The following CCDC149 variants were observed in gnomAD, a reference collection of about 807,000 sequenced individuals.
The protein encoded by CCDC149 is coiled-coil domain containing 149, also known as coiled-coil domain-containing protein 149.
Under a neutral mutation model 59.9 loss-of-function variants are expected in CCDC149, and 45 were observed. The ratio of observed to expected loss-of-function variants is 0.75; its 90% confidence interval spans 0.59 to 0.96. CCDC149 has a LOEUF of 0.96. Among genes scored for constraint, CCDC149 ranks in the 40% least tolerant of loss-of-function variants. The pLI is 0.00. For missense variants in CCDC149, 584 were observed against 664.7 expected (o/e 0.88, Z 1.33); for synonymous variants, 245 against 260.6 (o/e 0.94, Z 0.58).
At chr4:24,887,227 T>C (rs1045237554) in intron 1 of CCDC149, among the ~76,000 whole-genome samples, 2 of 143,318 alleles carry the variant, frequency 1.4e-5, no homozygotes, top group Non-Finnish European at 3.1e-5. Context: ...TTGGGTGGCT[T>C]TATAGCCAGA....
intron 1 of CCDC149, among the ~76,000 whole-genome samples, chr4:24,935,145 A>T (rs776923342): frequency 5.3e-5 from 8 of 152,174 alleles, no homozygotes; most frequent in Non-Finnish European, 1.2e-4. Flanking sequence ...AGCAACGGAG[A>T]TGCAAGAATT....
intron 1 of CCDC149, among the ~76,000 whole-genome samples, chr4:24,878,972 G>T (rs890336005): frequency 6.6e-6 from 1 of 152,230 alleles, no homozygotes; most frequent in South Asian, 2.1e-4. Flanking sequence ...CTGGGTCTGA[G>T]ATACCTGGTA....
chr4:24,965,844 T>C (rs1292191679), intron 1 of CCDC149, among the ~76,000 whole-genome samples: 1 of 152,212 alleles, frequency 6.6e-6, no homozygotes, highest in East Asian at 1.9e-4. Flanking sequence ...TCAGCAGGTT[T>C]GGAGTGCAGG....
rs145224060 is a variant in CCDC149 at position 24,885,594 on chromosome 4, G to A, written c.64-8897C>T. Among the ~76,000 whole-genome samples the A allele has an allele frequency of 2.3e-3, 348 of 152,314 alleles. 2 individuals carry two copies. The highest frequency in any genetic ancestry group is 3.4e-3 in the Non-Finnish European group (229 of 68,028). On this transcript the variant is annotated intron_variant, in intron 1 of 12. Transcript: ENST00000635206. ...CATCAGTGGGCGAGTGGGTCACATG[G>A]CTGCCCAAACACACTCCAAAGGGCC...
chr4:24,825,495 C>T (rs1715667816), intron 9 of CCDC149, among the ~76,000 whole-genome samples: 1 of 152,024 alleles, frequency 6.6e-6, no homozygotes, highest in African/African-American at 2.4e-5. Context: ...AAATACAGGC[C>T]GGGCATGGGG....
intron 1 of CCDC149, among the ~76,000 whole-genome samples, chr4:24,968,290 A>C (rs1723862333): frequency 6.6e-6 from 1 of 152,190 alleles, no homozygotes. Flanking sequence ...AACAGCTAGC[A>C]CCTGTATATG....
intron 1 of CCDC149, among the ~76,000 whole-genome samples, chr4:24,963,730 C>A (rs1187293230): frequency 2.6e-5 from 4 of 152,130 alleles, no homozygotes; most frequent in Non-Finnish European, 5.9e-5. Context: ...CAATAGATAC[C>A]AATACTGAAA....
chr4:24,835,708 A>G (rs928499783), intron 7 of CCDC149, among the ~76,000 whole-genome samples: 2 of 152,192 alleles, frequency 1.3e-5, no homozygotes, highest in African/African-American at 4.8e-5. Flanking sequence ...CACAAAATGG[A>G]AAGGAAGAAC....
At chr4:24,955,413 G>A (rs571055755) in intron 1 of CCDC149, among the ~76,000 whole-genome samples, 5 of 152,184 alleles carry the variant, frequency 3.3e-5, no homozygotes, top group African/African-American at 9.6e-5. Flanking sequence ...TTGACAACAC[G>A]TGAATTTTGG....
At chr4:24,903,422 G>C (rs1463073599) in intron 1 of CCDC149, among the ~76,000 whole-genome samples, 1 of 152,184 alleles carries the variant, frequency 6.6e-6, no homozygotes, top group Non-Finnish European at 1.5e-5. Flanking sequence ...GGGGTTGAGA[G>C]GGCAGAGCAA....
chr4:24,947,877 A>G (rs1162709747), intron 1 of CCDC149, among the ~76,000 whole-genome samples: 1 of 152,138 alleles, frequency 6.6e-6, no homozygotes, highest in Non-Finnish European at 1.5e-5. Context: ...TGGCAGAGCC[A>G]TCCGCAATAT....
chr4:24,822,433 A>C (rs983386934), intron 10 of CCDC149, 64 bp downstream of exon 10: 1 of 1,037,432 alleles, frequency 9.6e-7, no homozygotes, highest in South Asian at 1.7e-5. Flanking sequence ...ATTACGTGGG[A>C]GCTTCATTTC....
chr4:24,903,466 G>A (rs6448313), intron 1 of CCDC149, among the ~76,000 whole-genome samples: 102,781 of 152,024 alleles, frequency 0.68, 36,805 homozygotes, highest in Non-Finnish European at 0.79. Flanking sequence ...GACACAGCTA[G>A]TTTTGATGGA....
chr4:24,858,066 A>G (rs1718138342), intron 3 of CCDC149, among the ~76,000 whole-genome samples: 1 of 152,208 alleles, frequency 6.6e-6, no homozygotes, highest in South Asian at 2.1e-4. Context: ...AAGTGCTCAA[A>G]ATAGAGGAGA....
intron 3 of CCDC149, among the ~76,000 whole-genome samples, chr4:24,869,976 T>C (rs964854270): frequency 1.3e-5 from 2 of 152,226 alleles, no homozygotes; most frequent in Non-Finnish European, 2.9e-5. Flanking sequence ...CCAGCCAGAC[T>C]GGAAAGGAGG....
chr4:24,804,931 A>G (rs1714079038), downstream of CCDC149, among the ~76,000 whole-genome samples: 1 of 152,204 alleles, frequency 6.6e-6, no homozygotes, highest in African/African-American at 2.4e-5. Flanking sequence ...TGAGGCCATC[A>G]GGAGCCTCCC....
chr4:24,952,813 C>T (rs1388400439), intron 1 of CCDC149, among the ~76,000 whole-genome samples: 1 of 151,342 alleles, frequency 6.6e-6, no homozygotes, highest in Non-Finnish European at 1.5e-5. Context: ...AACTCTGTAC[C>T]CCTTAAATAA....
intron 3 of CCDC149, among the ~76,000 whole-genome samples, chr4:24,857,644 TA>T (rs540065136): frequency 5.9e-5 from 9 of 152,214 alleles, no homozygotes; most frequent in Non-Finnish European, 1.0e-4. Context: ...AGGAAACAGT[TA>T]TTTAGAGACC....
At chr4:24,844,003 G>C (rs1259121979) in intron 4 of CCDC149, among the ~76,000 whole-genome samples, 1 of 152,092 alleles carries the variant, frequency 6.6e-6, no homozygotes, top group African/African-American at 2.4e-5. Flanking sequence ...CCCACTCACA[G>C]GTCTGTCCAG....
Sources: allele counts gnomAD v4.1 joint callset (sites outside exome capture counted in the v4.1 genomes callset), GRCh38; gene constraint gnomAD v4.1.1; transcripts MANE v1.5; gene names NCBI Gene and HGNC (gene_info 2026-07-23, HGNC 2026-07-21).